PCDHGA11: variants seen among roughly 807,000 people sequenced by gnomAD.
PCDHGA11 encodes protocadherin gamma subfamily A, 11, also known as protocadherin gamma-A11.
A neutral mutation model predicts 60.4 loss-of-function variants in PCDHGA11; 39 were observed. The ratio of observed to expected loss-of-function variants is 0.65; its 90% CI spans 0.50 to 0.84. The LOEUF (loss-of-function observed/expected upper bound fraction) is 0.84, where lower values mean the gene tolerates loss of function less well. Ranked by LOEUF, PCDHGA11 falls within the 40% of genes least tolerant of loss-of-function variation. The pLI is 0.00. For missense variants in PCDHGA11, 1,165 were observed against 1,197.7 expected (o/e 0.97, Z 0.40); for synonymous variants, 533 against 510.3 (o/e 1.04, Z -0.60).
chr5:141,434,924 A>G (rs2097731722), intron 1 of PCDHGA11, among the ~76,000 whole-genome samples: 1 of 151,756 alleles, frequency 6.6e-6, no homozygotes, highest in African/African-American at 2.4e-5. Context: ...ATGTACATAT[A>G]TTTTATATAA....
chr5:141,429,760 C>T (rs1036499079), intron 1 of PCDHGA11, among the ~76,000 whole-genome samples: 2 of 152,020 alleles, frequency 1.3e-5, no homozygotes, highest in Non-Finnish European at 2.9e-5. Context: ...AATTTTTTCC[C>T]TATATTTTGA....
intron 1 of PCDHGA11, among the ~76,000 whole-genome samples, chr5:141,473,329 G>A (rs2099319416): frequency 6.6e-6 from 1 of 152,212 alleles, no homozygotes; most frequent in Non-Finnish European, 1.5e-5. Context: ...TTAAGTGCCT[G>A]CTGTGCTAGA....
intron 1 of PCDHGA11, among the ~76,000 whole-genome samples, chr5:141,492,964 C>CT (rs2099745347): frequency 6.6e-6 from 1 of 152,354 alleles, no homozygotes; most frequent in Non-Finnish European, 1.5e-5. Context: ...ATCTGACACT[C>CT]TAACAAGTCC....
At chr5:141,444,119 T>G (rs1236466434) in intron 1 of PCDHGA11, among the ~76,000 whole-genome samples, 4 of 146,736 alleles carry the variant, frequency 2.7e-5, no homozygotes, top group African/African-American at 1.0e-4. Context: ...AAGTGAAGTA[T>G]CTCAACAGAT....
At position 141,485,930 on chromosome 5, in the gene PCDHGA11, G is replaced by C; in HGVS notation, c.2434-8877G>C. ...ATCCAGCTACAGGATTAGTGTGTTGGAGAGCGCACCAGCGGGCATGGTGCT... is the reference window on the plus strand; with the variant it reads ...ATCCAGCTACAGGATTAGTGTGTTGCAGAGCGCACCAGCGGGCATGGTGCT... On this transcript the variant is annotated intron_variant, in intron 1 of 3. Coordinates refer to ENST00000398587, the MANE Select transcript of PCDHGA11 (RefSeq NM_018914.3). The surrounding 1 kb of genome is among the most constrained non-coding windows in gnomAD (Gnocchi z 5.7). 6.2e-7 allele frequency: 1 copy of C among 1,614,178 alleles called. No homozygotes were observed. The highest frequency in any genetic ancestry group is 8.5e-7 in the Non-Finnish European group (1 of 1,180,042).
intron 2 of PCDHGA11, among the ~76,000 whole-genome samples, chr5:141,500,187 TA>T (rs56304898): frequency 0.051 from 5,679 of 110,700 alleles, 126 homozygotes; most frequent in Middle Eastern, 0.14. Flanking sequence ...TTTTTATTTT[TA>T]TTTATTTATT....
intron 2 of PCDHGA11, among the ~76,000 whole-genome samples, chr5:141,499,573 A>AT (rs2099792803): frequency 1.3e-5 from 2 of 152,108 alleles, no homozygotes; most frequent in Non-Finnish European, 2.9e-5. Context: ...AGCTTCAACT[A>AT]ATGCCTTATC....
chr5:141,473,233 C>T (rs116489525), intron 1 of PCDHGA11, among the ~76,000 whole-genome samples: 1,684 of 152,238 alleles, frequency 0.011, 34 homozygotes, highest in African/African-American at 0.039. Flanking sequence ...ATTGGATCCA[C>T]ACAAGTGAAT....
chr5:141,444,695 CCT>C (rs2154560766), intron 1 of PCDHGA11, among the ~76,000 whole-genome samples: 1 of 152,134 alleles, frequency 6.6e-6, no homozygotes, highest in South Asian at 2.1e-4. Flanking sequence ...AAAATATTTT[CCT>C]CTTTCTGTTG....
intron 1 of PCDHGA11, among the ~76,000 whole-genome samples, chr5:141,452,284 C>G (rs1182155879): frequency 6.6e-6 from 1 of 152,112 alleles, no homozygotes; most frequent in Non-Finnish European, 1.5e-5. Context: ...TTCTTACTTT[C>G]TGATATAAGA....
rs769652961 is a variant in PCDHGA11, at chr5:141,489,435, A to G, written c.2434-5372A>G. ...CAGATCTGTTGAGCCGGCGGCTGCAATTGGGCTCTGAGGAGAATGGGCGCT... is the reference window on the plus strand; with the variant it reads ...CAGATCTGTTGAGCCGGCGGCTGCAGTTGGGCTCTGAGGAGAATGGGCGCT... On this transcript the variant is annotated intron_variant, in intron 1 of 3. Coordinates refer to ENST00000398587, the MANE Select transcript of PCDHGA11 (RefSeq NM_018914.3). This position sits in a 1 kb window ranked among gnomAD's most constrained non-coding sequence, Gnocchi z 4.5. 2 of 1,614,138 alleles carry G rather than the reference A, an allele frequency of 1.2e-6. No homozygotes were observed. The highest frequency in any genetic ancestry group is 1.7e-6 in the Non-Finnish European group (2 of 1,180,024).
rs1012728568 is a variant in PCDHGA11 at position 141,495,487 on chromosome 5, T to C, written c.2492+622T>C. Among the ~76,000 whole-genome samples, 22 of 152,328 alleles carry C rather than the reference T, an allele frequency of 1.4e-4. 1 individual carries two copies. The East Asian group carries it at 4.1e-3, about 28-fold the overall frequency. ...GGGGTCTCCGTGTCTCTGCCCCTTT[T>C]TCTTGAGTTTCCGTCTTTGCCACTT... On this transcript the variant is annotated intron_variant, in intron 2 of 3. Coordinates refer to ENST00000398587, the MANE Select transcript of PCDHGA11 (RefSeq NM_018914.3).
chr5:141,486,175 C>T lies in PCDHGA11; in HGVS notation c.2434-8632C>T. ...GTTCTCCAGCCATGGAGCAACATTG[C>T]AGCCTTCGAGTGGATCTGCTGGACG... On this transcript the variant is annotated intron_variant, in intron 1 of 3. Transcript: ENST00000398587. The surrounding 1 kb of genome is among the most constrained non-coding windows in gnomAD (Gnocchi z 5.0). 1 of 1,614,210 alleles carries T rather than the reference C, an allele frequency of 6.2e-7. No individual in the cohort carries two copies.
In PCDHGA11 at chr5:141,477,913, T is replaced by G; in HGVS notation, c.2434-16894T>G. ...CACGGGTGGTAGGCTGGGACGCGGA[T>G]GCAGGGCACAATGCCTGGCTCTCCT... On this transcript the variant is annotated intron_variant, in intron 1 of 3. Transcript: ENST00000398587. This position sits in a 1 kb window ranked among gnomAD's most constrained non-coding sequence, Gnocchi z 4.9. 6.2e-7 allele frequency: 1 copy of G among 1,614,190 alleles called. No individual in the cohort carries two copies. Among genetic ancestry groups the G allele is most frequent in the Non-Finnish European group, 8.5e-7 (1 of 1,180,024 alleles).
At chr5:141,450,067 T>C (rs1007808503) in intron 1 of PCDHGA11, among the ~76,000 whole-genome samples, 4 of 147,604 alleles carry the variant, frequency 2.7e-5, no homozygotes, top group African/African-American at 1.0e-4. Context: ...AATGCAGTGG[T>C]ATGATCTTGG....
chr5:141,508,979 G>A (rs1317798009), intron 3 of PCDHGA11, among the ~76,000 whole-genome samples: 1 of 152,110 alleles, frequency 6.6e-6, no homozygotes, highest in Non-Finnish European at 1.5e-5. Context: ...GCTGGGGGTG[G>A]GGGCCAGCTG....
At chr5:141,450,817 A>T (rs1302552522) in intron 1 of PCDHGA11, among the ~76,000 whole-genome samples, 1 of 137,468 alleles carries the variant, frequency 7.3e-6, no homozygotes, top group Non-Finnish European at 1.5e-5. Context: ...TTTATTTAAT[A>T]TTATTATTAT....
At chr5:141,454,019 A>G (rs905033407) in intron 1 of PCDHGA11, among the ~76,000 whole-genome samples, 1 of 152,262 alleles carries the variant, frequency 6.6e-6, no homozygotes, top group African/African-American at 2.4e-5. Flanking sequence ...AGAAAAATGT[A>G]TTAAGAATTG....
Position 141,421,164 on chromosome 5 carries a change from A to G in PCDHGA11, c.-64A>G, listed in dbSNP as rs1304650780. On this transcript the variant is annotated 5_prime_UTR_variant, in exon 1 of 4. Coordinates refer to ENST00000398587, the MANE Select transcript of PCDHGA11 (RefSeq NM_018914.3). ...ATGTAGTCGGCCTAGGACTTCATAG[A>G]TACATAAGCCGATTCACAACCAACC... is the stretch of plus-strand genomic sequence containing the variant. 2 of 1,286,298 alleles carry G rather than the reference A, an allele frequency of 1.6e-6. No homozygotes were observed. Among genetic ancestry groups the G allele is most frequent in the African/African-American group, 1.5e-5 (1 of 66,814 alleles). 79.7% of individuals were successfully genotyped at this position (1,286,298 alleles called of 1,614,324 possible).
Sources: allele counts gnomAD v4.1 joint callset (sites outside exome capture counted in the v4.1 genomes callset), GRCh38; gene constraint gnomAD v4.1.1; non-coding constraint Gnocchi (gnomAD v3.1); transcripts MANE v1.5; gene names NCBI Gene and HGNC (gene_info 2026-07-23, HGNC 2026-07-21).